CDC20B: variants seen among roughly 807,000 people sequenced by gnomAD.
CDC20B encodes the protein cell division cycle 20B, also known as cell division cycle protein 20 homolog B.
In CDC20B, 58 loss-of-function variants were observed where a neutral mutation model predicts 64.1. The observed-to-expected ratio is 0.90, with a 90% CI of 0.73 to 1.13. CDC20B has a LOEUF of 1.13. Ranked by LOEUF, CDC20B falls within the 50% of genes most tolerant of loss-of-function variation. CDC20B has a pLI of 0.00. For synonymous variants in CDC20B, 243 were observed against 230.6 expected (o/e 1.05, Z -0.49); for missense variants, 597 against 633.0 (o/e 0.94, Z 0.61).
intron 2 of CDC20B, among the ~76,000 whole-genome samples, chr5:55,159,016 T>TCC (rs1743904121): frequency 6.6e-6 from 1 of 152,098 alleles, no homozygotes; most frequent in East Asian, 1.9e-4. Flanking sequence ...TTTGCTTTTT[T>TCC]CCCTCTTCTT....
At chr5:55,172,162 A>T (rs1471434552) in intron 2 of CDC20B, 1 of 171,148 alleles carries the variant, frequency 5.8e-6, no homozygotes, top group Non-Finnish European at 1.3e-5. Flanking sequence ...CAGGTACTAC[A>T]TTGGATCAAC....
In CDC20B at chr5:55,128,445, A is replaced by G. The variant is rs1742948870; in HGVS notation, c.870T>C (p.Val290=). The G allele has an allele frequency of 6.2e-7, 1 of 1,604,150 alleles. No individual in the cohort carries two copies. Among genetic ancestry groups the G allele is most frequent in the Non-Finnish European group, 8.5e-7 (1 of 1,177,426 alleles). ...SWIKEGTCLA[V]GTSEGEVQLW... The stretch of plus-strand genomic sequence containing the variant: ...CTTGCACTTCTCCCTCGCTGGTGCC[A>G]ACTGCCAGGCAAGTTCCCTCTTTTA... Residue 290 remains valine, a synonymous_variant, in exon 7 of 12, where the codon GTT becomes GTC. Transcript: ENST00000381375.
Position 55,133,470 on chromosome 5 carries a change from GTTTATATCACCAGAACT to G in CDC20B, c.622_638del (p.Ser208ArgfsTer18). On this transcript the variant is annotated frameshift_variant, in exon 6 of 12. Transcript: ENST00000381375. LOFTEE classifies it high-confidence loss of function. ...TCACCTCTGGTTGGAGTATGGAATC[GTTTATATCACCAGAACT>G]TTTAAGATGGAAGGATTCATCTCTG... The G allele has an allele frequency of 1.3e-6, 2 of 1,582,758 alleles. No individual in the cohort carries two copies. The highest frequency in any genetic ancestry group is 1.7e-6 in the Non-Finnish European group (2 of 1,159,164).
intron 2 of CDC20B, among the ~76,000 whole-genome samples, chr5:55,149,365 C>T (rs1023174695): frequency 2.6e-5 from 4 of 152,188 alleles, no homozygotes; most frequent in African/African-American, 9.7e-5. Flanking sequence ...CAAGTCCACT[C>T]ATAGGTATAT....
intron 2 of CDC20B, among the ~76,000 whole-genome samples, chr5:55,153,602 C>T (rs552307611): frequency 5.6e-4 from 39 of 69,938 alleles, no homozygotes; most frequent in African/African-American, 1.9e-3. Flanking sequence ...TGAATAAATC[C>T]CCCCGGGGTG....
At chr5:55,124,541 C>T (rs1378455453) in intron 9 of CDC20B, among the ~76,000 whole-genome samples, 1 of 152,094 alleles carries the variant, frequency 6.6e-6, no homozygotes, top group East Asian at 1.9e-4. Context: ...ACCCAGGACT[C>T]CAAAGTTACA....
At chr5:55,127,157 T>C in intron 8 of CDC20B, 100 bp downstream of exon 8, 1 of 1,062,646 alleles carries the variant, frequency 9.4e-7, no homozygotes, top group Non-Finnish European at 1.4e-6. Flanking sequence ...TTTTGTTTTA[T>C]TTTTGATTGG....
chr5:55,133,925 G>C (rs1055201285), intron 5 of CDC20B, among the ~76,000 whole-genome samples: 3 of 152,112 alleles, frequency 2.0e-5, no homozygotes, highest in Non-Finnish European at 4.4e-5. Flanking sequence ...GCCCTACTCT[G>C]AGACTTCATC....
intron 2 of CDC20B, among the ~76,000 whole-genome samples, chr5:55,169,915 C>CT (rs1464289958): frequency 6.6e-6 from 1 of 152,124 alleles, no homozygotes; most frequent in Non-Finnish European, 1.5e-5. Context: ...AGATCGAGAC[C>CT]ATCCCAGCTA....
chr5:55,160,401 G>GT, intron 2 of CDC20B: 1 of 1,602,800 alleles, frequency 6.2e-7, no homozygotes, highest in East Asian at 2.2e-5. Context: ...GGCAAAGTAA[G>GT]TTGCATCATC....
chr5:55,142,294 T>C (rs1164210794), intron 4 of CDC20B, among the ~76,000 whole-genome samples: 1 of 148,868 alleles, frequency 6.7e-6, no homozygotes, highest in East Asian at 2.1e-4. Flanking sequence ...AGACCTCGCT[T>C]TGAGTCTTCA....
intron 2 of CDC20B, among the ~76,000 whole-genome samples, chr5:55,149,887 A>G (rs1743612375): frequency 6.6e-6 from 1 of 152,202 alleles, no homozygotes; most frequent in Non-Finnish European, 1.5e-5. Context: ...TAATCCCAAC[A>G]CTTTGGGAGA....
intron 2 of CDC20B, among the ~76,000 whole-genome samples, chr5:55,162,988 T>C (rs1038175320): frequency 4.6e-5 from 7 of 152,140 alleles, no homozygotes; most frequent in African/African-American, 1.7e-4. Flanking sequence ...CTTCCATTTA[T>C]CTCATCTGCA....
rs1238565110 is a variant in CDC20B at position 55,124,881 on chromosome 5, C to T, written c.1137G>A (p.Leu379=). The part of the protein sequence containing the change: ...LLSSGCSDGL[L]TIWPHDPGAS... Reference sequence around the variant, plus strand: ...CACCTGGATCGTGGGGCCATATTGTCAGCAGTCCATCACTGCAGCCGCTGG... The same window carrying T: ...CACCTGGATCGTGGGGCCATATTGTTAGCAGTCCATCACTGCAGCCGCTGG... The change falls in exon 9 of 12, where the codon CTG becomes CTA. Residue 379 remains leucine (L), a synonymous_variant. Coordinates refer to ENST00000381375, the MANE Select transcript of CDC20B (RefSeq NM_001170402.1). The T allele has an allele frequency of 1.2e-6, 2 of 1,614,150 alleles. No individual in the cohort carries two copies. Among genetic ancestry groups the T allele is most frequent in the East Asian group, 2.2e-5 (1 of 44,874 alleles).
chr5:55,123,784 A>G (rs1369044562), intron 9 of CDC20B, among the ~76,000 whole-genome samples: 1 of 152,164 alleles, frequency 6.6e-6, no homozygotes, highest in Non-Finnish European at 1.5e-5. Flanking sequence ...CGTATTTTAC[A>G]TATATTTTGC....
At chr5:55,164,823 G>T (rs1744295308) in intron 2 of CDC20B, 1 of 152,034 alleles carries the variant, frequency 6.6e-6, no homozygotes, top group African/African-American at 2.4e-5. Context: ...GGTTCCTAGT[G>T]TTTTACTATA....
At position 55,146,777 on chromosome 5, in the gene CDC20B, G is replaced by T. The variant is rs1430087665; in HGVS notation, c.206C>A (p.Ala69Glu). Residue 69 changes from alanine to glutamate, a missense_variant, in exon 3 of 12, where the codon GCG becomes GAG. Ala to Glu is a moderately radical substitution (Grantham distance 107). Transcript: ENST00000381375. ...AKRLSAEVPV[A>E]SSPITTRWQQ... ...CCACCTTGTGGTAATGGGGCTACTC[G>T]CAACAGGAACCTCTGCGGACAGCCT... is the stretch of plus-strand genomic sequence containing the variant. The T allele has an allele frequency of 1.9e-6, 3 of 1,614,108 alleles. No individual in the cohort carries two copies. Among genetic ancestry groups the T allele is most frequent in the East Asian group, 2.2e-5 (1 of 44,886 alleles).
At chr5:55,149,418 A>T (rs1743596826) in intron 2 of CDC20B, among the ~76,000 whole-genome samples, 1 of 152,216 alleles carries the variant, frequency 6.6e-6, no homozygotes, top group African/African-American at 2.4e-5. Flanking sequence ...TCATAGTAGC[A>T]CTAATCACAA....
chr5:55,142,894 G>C (rs1050201042), intron 4 of CDC20B, among the ~76,000 whole-genome samples: 9 of 152,304 alleles, frequency 5.9e-5, no homozygotes, highest in African/African-American at 2.2e-4. Context: ...CTTTCGAACT[G>C]AAATATGGAT....
Sources: gnomAD v4.1 joint callset for allele counts (sites outside exome capture counted in the v4.1 genomes callset) on GRCh38, gnomAD v4.1.1 for gene constraint, MANE v1.5 for transcripts, NCBI Gene and HGNC (gene_info 2026-07-23, HGNC 2026-07-21) for gene names.